ADD1: variants seen among roughly 807,000 people sequenced by gnomAD.
ADD1 encodes the protein alpha-adducin.
ADD1 carries 24 observed loss-of-function variants against 80.5 expected under a neutral mutation model. That is an observed-to-expected ratio of 0.30 (90% CI 0.22 to 0.42). The LOEUF (loss-of-function observed/expected upper bound fraction) is 0.42, where lower values mean the gene tolerates loss of function less well. Ranked by LOEUF, ADD1 falls within the 10% of genes least tolerant of loss-of-function variation. ADD1 has a pLI of 1.00. For synonymous variants in ADD1, 373 were observed against 393.8 expected, an observed-to-expected ratio of 0.95 and a Z score of 0.63; for missense variants, 948 against 1,019.0, an observed-to-expected ratio of 0.93 and a Z score of 0.95.
At position 2,909,327 on chromosome 4, in the gene ADD1, T is replaced by G; in HGVS notation, c.1699-12T>G. ...GCCTGGTGTGCTCTGGTGACTCAGT[T>G]TACTGTTTCAGGATGCACCTCTCTC... On this transcript the variant is annotated splice_polypyrimidine_tract_variant and intron_variant, in intron 12 of 15. Coordinates refer to ENST00000683351, the MANE Select transcript of ADD1 (RefSeq NM_001354761.2). 4 of 1,548,348 alleles carry G rather than the reference T, an allele frequency of 2.6e-6. No individual in the cohort carries two copies. The highest frequency in any genetic ancestry group is 1.4e-5 in the African/African-American group (1 of 73,094).
At position 2,862,355 on chromosome 4, in the gene ADD1, C is replaced by T. The variant is rs558519190; in HGVS notation, c.-20-13541C>T. ...CTGTAGATTCAAATCCTACCCCTGA[C>T]ATTAGTTTTCTATTTAAAATTAAAC... is the stretch of plus-strand genomic sequence containing the variant. On this transcript the variant is annotated intron_variant, in intron 1 of 15. Coordinates refer to ENST00000683351, the MANE Select transcript of ADD1 (RefSeq NM_001354761.2). Among the ~76,000 whole-genome samples the T allele has an allele frequency of 5.9e-5, 9 of 152,340 alleles. No homozygotes were observed. The East Asian group carries it at 1.7e-3, about 29-fold the overall frequency.
chr4:2,855,594 C>T (rs1227243422), intron 1 of ADD1, among the ~76,000 whole-genome samples: 1 of 151,398 alleles, frequency 6.6e-6, no homozygotes, highest in East Asian at 1.9e-4. Context: ...TTATTCAACT[C>T]TCAAGTTACA....
chr4:2,848,581 A>G (rs1726606877), intron 1 of ADD1, among the ~76,000 whole-genome samples: 1 of 150,806 alleles, frequency 6.6e-6, no homozygotes, highest in Non-Finnish European at 1.5e-5. Flanking sequence ...CCATTCTCCC[A>G]CCTCTGACTC....
intron 6 of ADD1, among the ~76,000 whole-genome samples, chr4:2,895,588 A>G (rs1262687011): frequency 1.3e-5 from 2 of 152,084 alleles, no homozygotes; most frequent in Admixed American, 6.5e-5. Context: ...GTGACGGGGA[A>G]GAAGAAAAGG....
Position 2,884,506 on chromosome 4 carries a change from TTA to T in ADD1, c.359-7_359-6del. The stretch of plus-strand genomic sequence containing the variant: ...GCACCTGGCTGAGTTTTGTTTTTCT[TTA>T]TTTCAGGTCTTGGTATGGTGACTCC... On this transcript the variant is annotated splice_polypyrimidine_tract_variant and splice_region_variant and intron_variant, in intron 3 of 15. Coordinates refer to ENST00000683351, the MANE Select transcript of ADD1 (RefSeq NM_001354761.2). The T allele has an allele frequency of 6.3e-7, 1 of 1,589,996 alleles. No homozygotes were observed. The highest frequency in any genetic ancestry group is 8.6e-7 in the Non-Finnish European group (1 of 1,163,900).
chr4:2,926,886 G>A lies in ADD1; in HGVS notation c.2047+774G>A, dbSNP rs778004016. Among the ~76,000 whole-genome samples the A allele has an allele frequency of 4.6e-5, 7 of 152,202 alleles. No individual in the cohort carries two copies. The highest frequency in any genetic ancestry group is 7.3e-5 in the Non-Finnish European group (5 of 68,042). ...CTTCAGCGGCAGCGGGTACCTCCAC[G>A]CACCTAGGTGCCATGGAGCACTCTG... On this transcript the variant is annotated intron_variant, in intron 15 of 15. Coordinates refer to ENST00000683351, the MANE Select transcript of ADD1 (RefSeq NM_001354761.2). This position sits in a 1 kb window ranked among gnomAD's most constrained non-coding sequence, Gnocchi z 5.0.
intron 3 of ADD1, among the ~76,000 whole-genome samples, chr4:2,882,405 C>T (rs1389464747): frequency 6.6e-6 from 1 of 152,210 alleles, no homozygotes; most frequent in Non-Finnish European, 1.5e-5. Flanking sequence ...ACCTAGCATT[C>T]TTCACTGCTG....
At chr4:2,895,263 T>C (rs1269877689) in intron 6 of ADD1, among the ~76,000 whole-genome samples, 2 of 151,730 alleles carry the variant, frequency 1.3e-5, no homozygotes, top group Non-Finnish European at 2.9e-5. Context: ...CTCAAAAAAA[T>C]AAAATAACAG....
In ADD1 at chr4:2,847,016, C is replaced by T. The variant is rs190973551; in HGVS notation, c.-21+2992C>T. ...CCTGTAGTCCCAGCTACTCGGGAGGCTGAGGCAGGAGAATGGCGTGAACCC... is the reference window on the plus strand; with the variant it reads ...CCTGTAGTCCCAGCTACTCGGGAGGTTGAGGCAGGAGAATGGCGTGAACCC... On this transcript the variant is annotated intron_variant, in intron 1 of 15. Transcript: ENST00000683351. 7.8e-3 allele frequency among the ~76,000 whole-genome samples: 1,194 copies of T among 152,110 alleles called. 2 individuals are homozygous for T. Among genetic ancestry groups the T allele is most frequent in the Non-Finnish European group, 0.012 (803 of 67,990 alleles).
chr4:2,895,514 G>A, intron 6 of ADD1, among the ~76,000 whole-genome samples: 1 of 152,202 alleles, frequency 6.6e-6, no homozygotes, highest in Non-Finnish European at 1.5e-5. Context: ...AAAGGGAGAG[G>A]TTGAGGCCTA....
At chr4:2,857,548 C>T (rs1728263869) in intron 1 of ADD1, among the ~76,000 whole-genome samples, 1 of 152,112 alleles carries the variant, frequency 6.6e-6, no homozygotes, top group Admixed American at 6.6e-5. Context: ...GTGGAGGTTG[C>T]AGTGAGCTGA....
At position 2,928,165 on chromosome 4, in the gene ADD1, C is replaced by A. The variant is rs1238387483; in HGVS notation, c.2048-6C>A. The A allele has an allele frequency of 6.2e-7, 1 of 1,613,770 alleles. No individual in the cohort carries two copies. The highest frequency in any genetic ancestry group is 1.1e-5 in the South Asian group (1 of 91,066). On this transcript the variant is annotated splice_polypyrimidine_tract_variant and splice_region_variant and intron_variant, in intron 15 of 15. Transcript: ENST00000683351. ...CCTTAATCCCATCTCTCACCTCACC[C>A]ACTAGACCTTGTGCCGGAGCCGACT...
At chr4:2,858,489 A>C (rs988297261) in intron 1 of ADD1, among the ~76,000 whole-genome samples, 50 of 152,254 alleles carry the variant, frequency 3.3e-4, no homozygotes, top group African/African-American at 1.2e-3. Context: ...TATAAACCAT[A>C]GATAGGAATT....
intron 1 of ADD1, among the ~76,000 whole-genome samples, chr4:2,846,527 A>G (rs1044088336): frequency 2.6e-5 from 4 of 152,202 alleles, no homozygotes; most frequent in Non-Finnish European, 5.9e-5. Context: ...CTTTTATTAA[A>G]TAGAATATTT....
rs1262989094 is a variant in ADD1 at position 2,929,238 on chromosome 4, C to G, written c.*715C>G. On this transcript the variant is annotated 3_prime_UTR_variant, in exon 16 of 16. Coordinates refer to ENST00000683351, the MANE Select transcript of ADD1 (RefSeq NM_001354761.2). ...GAAGGTATATCAGGAGGGGAAGAGG[C>G]CTTTCTAGAATTTTCTTTGAGCAGG... 6.6e-6 allele frequency: 1 copy of G among 152,152 alleles called. No individual in the cohort carries two copies. Among genetic ancestry groups the G allele is most frequent in the Non-Finnish European group, 1.5e-5 (1 of 68,024 alleles). The allele number at this position is 152,152 out of a possible 1,614,324, so 9.4% of individuals were successfully genotyped here. A position where few individuals can be genotyped will look rare whatever the true frequency, so the allele number is the denominator to read the frequency against.
At chr4:2,907,043 G>C (rs147800780) in intron 10 of ADD1, among the ~76,000 whole-genome samples, 38 of 152,296 alleles carry the variant, frequency 2.5e-4, no homozygotes, top group Non-Finnish European at 4.6e-4. Flanking sequence ...ATGCTGACGA[G>C]ATGCACTGAT....
At chr4:2,905,348 A>G (rs1005289392) in intron 10 of ADD1, 2 of 553,490 alleles carry the variant, frequency 3.6e-6, no homozygotes, top group Non-Finnish European at 6.4e-6. Flanking sequence ...ATATCTCCGT[A>G]TATAGCAAAA....
chr4:2,897,614 G>A (rs866687030), intron 6 of ADD1, among the ~76,000 whole-genome samples: 1 of 141,472 alleles, frequency 7.1e-6, no homozygotes, highest in African/African-American at 2.7e-5. Context: ...GAATTCCTGG[G>A]TTCAGGATTC....
At chr4:2,927,979 G>A (rs940653911) in intron 15 of ADD1, among the ~76,000 whole-genome samples, 192 bp from the exon 16 acceptor site, 5 of 152,170 alleles carry the variant, frequency 3.3e-5, no homozygotes, top group Non-Finnish European at 7.3e-5. Flanking sequence ...CCCCGAGACT[G>A]AGTCTGTATT....
Sources: allele counts gnomAD v4.1 joint callset (sites outside exome capture counted in the v4.1 genomes callset), GRCh38; gene constraint gnomAD v4.1.1; non-coding constraint Gnocchi (gnomAD v3.1); transcripts MANE v1.5; gene names NCBI Gene and HGNC (gene_info 2026-07-23, HGNC 2026-07-21).